Variants in SHQ1 observed in about 807,000 individuals in gnomAD.
SHQ1 encodes the protein SHQ1, H/ACA ribonucleoprotein assembly factor.
Under a neutral mutation model 53.8 loss-of-function variants are expected in SHQ1, and 49 were observed. The ratio of observed to expected loss-of-function variants is 0.91; its 90% CI spans 0.72 to 1.16. The LOEUF (loss-of-function observed/expected upper bound fraction) is 1.16, where lower values mean the gene tolerates loss of function less well. SHQ1 is among the 50% of genes most tolerant of loss of function. The pLI is 0.00. For synonymous variants in SHQ1, 243 were observed against 251.0 expected (o/e 0.97, Z 0.30); for missense variants, 738 against 683.1 (o/e 1.08, Z -0.90).
At chr3:72,737,283 A>G in the SHQ1 span, among the ~76,000 whole-genome samples, 193 of 152,086 alleles carry the variant, frequency 1.3e-3, no homozygotes, top group African/African-American at 4.3e-3. Flanking sequence ...GTCTCCCAAA[A>G]AAGAAAAAAT....
chr3:72,753,256 C>A, intron 10 of SHQ1: 41 of 985,360 alleles, frequency 4.2e-5, no homozygotes, highest in Non-Finnish European at 4.7e-5. Context: ...GGCTTTGAGA[C>A]AAACTGGATG....
intron 10 of SHQ1, among the ~76,000 whole-genome samples, chr3:72,776,588 A>T (rs912742998): frequency 1.5e-4 from 23 of 152,220 alleles, no homozygotes; most frequent in African/African-American, 4.1e-4. Context: ...TAATTTTTTT[A>T]AAAAAGTATT....
At chr3:72,812,840 C>T (rs1168656719) in intron 8 of SHQ1, 46 bp from the exon 9 acceptor site, 2 of 1,609,530 alleles carry the variant, frequency 1.2e-6, no homozygotes, top group Non-Finnish European at 1.7e-6. Flanking sequence ...CAAAATGTTA[C>T]ACAAACAAAA....
chr3:72,844,532 G>T (rs950707169), intron 1 of SHQ1, 109 bp from the exon 2 acceptor site: 2 of 845,960 alleles, frequency 2.4e-6, no homozygotes, highest in East Asian at 2.5e-5. Flanking sequence ...CATTTTTTAA[G>T]AAGTTCCTCA....
At chr3:72,787,277 C>T (rs1038418065) in intron 10 of SHQ1, among the ~76,000 whole-genome samples, 1 of 152,122 alleles carries the variant, frequency 6.6e-6, no homozygotes. Flanking sequence ...TTCAAAAACA[C>T]TTTTTTTCTT....
chr3:72,731,689 A>G, the SHQ1 span, among the ~76,000 whole-genome samples: 2 of 147,308 alleles, frequency 1.4e-5, no homozygotes, highest in Non-Finnish European at 3.0e-5. Flanking sequence ...CTCCGTTTCA[A>G]AAAAAAAAAA....
At chr3:72,823,727 T>A (rs1263588421) in intron 6 of SHQ1, among the ~76,000 whole-genome samples, 1 of 152,202 alleles carries the variant, frequency 6.6e-6, no homozygotes, top group Non-Finnish European at 1.5e-5. Context: ...GAATATATAT[T>A]TTTAAAATAT....
intron 9 of SHQ1, 32 bp downstream of exon 9, chr3:72,812,639 C>A: frequency 1.2e-6 from 2 of 1,605,242 alleles, no homozygotes; most frequent in South Asian, 1.1e-5. Context: ...AACTTTTTCC[C>A]TCCCAAATTT....
chr3:72,794,923 A>G (rs528193850), intron 9 of SHQ1: 1 of 152,350 alleles, frequency 6.6e-6, no homozygotes, highest in East Asian at 1.9e-4. Context: ...CCCAGAAGGA[A>G]AACTGGAGGC....
At chr3:72,768,811 C>T (rs1433438158) in intron 10 of SHQ1, among the ~76,000 whole-genome samples, 1 of 152,180 alleles carries the variant, frequency 6.6e-6, no homozygotes, top group Non-Finnish European at 1.5e-5. Flanking sequence ...CAACATGAGC[C>T]ACCAGGTCAA....
intron 4 of SHQ1, 122 bp from the exon 5 acceptor site, chr3:72,832,603 A>T (rs1707858193): frequency 1.6e-6 from 1 of 634,162 alleles, no homozygotes; most frequent in Admixed American, 3.2e-5. Flanking sequence ...CCATGATGCC[A>T]CCTGTGACAT....
intron 10 of SHQ1, among the ~76,000 whole-genome samples, chr3:72,789,245 T>A (rs1386180965): frequency 6.6e-6 from 1 of 152,198 alleles, no homozygotes; most frequent in African/African-American, 2.4e-5. Context: ...TGGAATGTAT[T>A]ACAGTTCATT....
At chr3:72,841,412 T>A (rs1471167147) in intron 3 of SHQ1, among the ~76,000 whole-genome samples, 4 of 148,396 alleles carry the variant, frequency 2.7e-5, no homozygotes, top group African/African-American at 9.9e-5. Context: ...TACAGAGCAA[T>A]GAAAGCAAAC....
chr3:72,751,268 T>C (rs1053282157), intron 10 of SHQ1, among the ~76,000 whole-genome samples: 1 of 151,602 alleles, frequency 6.6e-6, no homozygotes, highest in Non-Finnish European at 1.5e-5. Context: ...AAAAATTAGC[T>C]GGGCACAGTG....
chr3:72,826,611 A>G (rs112569041), intron 5 of SHQ1, among the ~76,000 whole-genome samples: 8 of 152,218 alleles, frequency 5.3e-5, no homozygotes, highest in Non-Finnish European at 1.0e-4. Context: ...ATGCTATGAC[A>G]TATCAGCAGT....
intron 10 of SHQ1, chr3:72,772,946 A>T: frequency 1.0e-6 from 1 of 962,048 alleles, no homozygotes; most frequent in Non-Finnish European, 1.7e-6. Context: ...GAAGAATCGG[A>T]AGAAAAACAA....
chr3:72,818,477 A>G (rs746003909), intron 6 of SHQ1, among the ~76,000 whole-genome samples: 4 of 152,222 alleles, frequency 2.6e-5, no homozygotes, highest in Non-Finnish European at 5.9e-5. Context: ...TAAAGGCTAC[A>G]ATAACTCTCC....
chr3:72,799,085 C>A (rs954569909), intron 9 of SHQ1, among the ~76,000 whole-genome samples: 3 of 151,500 alleles, frequency 2.0e-5, no homozygotes, highest in African/African-American at 7.3e-5. Flanking sequence ...CTATAGGAGG[C>A]GCCAATACAG....
chr3:72,825,361 TACACACACACACACACACAC>T (rs61048915), intron 5 of SHQ1, among the ~76,000 whole-genome samples: 2 of 141,874 alleles, frequency 1.4e-5, no homozygotes, highest in African/African-American at 5.2e-5. Context: ...TAAAAGGGGC[TACACACACACACACACACAC>T]ACACACACAC....
Sources: gnomAD v4.1 joint callset for allele counts (sites outside exome capture counted in the v4.1 genomes callset) on GRCh38, gnomAD v4.1.1 for gene constraint, MANE v1.5 for transcripts, NCBI Gene and HGNC (gene_info 2026-07-23, HGNC 2026-07-21) for gene names.